The following KIAA1217 variants were observed in gnomAD, a reference collection of about 807,000 sequenced individuals.
The protein encoded by KIAA1217 is KIAA1217, also known as sickle tail protein homolog.
In KIAA1217, 88 loss-of-function variants were observed where a neutral mutation model predicts 163.9. That is an observed-to-expected ratio of 0.54 (90% CI 0.45 to 0.64). The LOEUF is 0.64. Ranked by LOEUF, KIAA1217 falls within the 30% of genes least tolerant of loss-of-function variation. KIAA1217 has a pLI of 0.00. For synonymous variants in KIAA1217, 903 were observed against 923.1 expected (o/e 0.98, Z 0.39); for missense variants, 2,372 against 2,475.0 (o/e 0.96, Z 0.88).
intron 1 of KIAA1217, among the ~76,000 whole-genome samples, chr10:23,854,023 C>T (rs1005220956): frequency 6.6e-6 from 1 of 152,064 alleles, no homozygotes; most frequent in Non-Finnish European, 1.5e-5. Context: ...TTCAGTTCTG[C>T]TCTGATTTTA....
At chr10:24,163,540 G>A (rs2065213142) in intron 2 of KIAA1217, among the ~76,000 whole-genome samples, 1 of 152,148 alleles carries the variant, frequency 6.6e-6, no homozygotes, top group Admixed American at 6.5e-5. Flanking sequence ...CTGGAGAAAT[G>A]GCACCCTAGA....
chr10:24,383,253 C>T (rs556711529), intron 3 of KIAA1217, among the ~76,000 whole-genome samples: 3 of 152,308 alleles, frequency 2.0e-5, no homozygotes, highest in African/African-American at 7.2e-5. Context: ...TAAAGATAAC[C>T]TCAGCTCTGC....
chr10:23,965,732 G>A lies in KIAA1217; in HGVS notation c.-320-41493G>A, dbSNP rs538446945. Among the ~76,000 whole-genome samples the A allele has an allele frequency of 1.2e-4, 18 of 152,244 alleles. No homozygotes were observed. In the South Asian group the frequency reaches 2.1e-3, roughly 18 times the overall value. On this transcript the variant is annotated intron_variant, in intron 1 of 18. Transcript: ENST00000376462. ...AACACATCTTCAGCACAGAGGGAGT[G>A]GGAATGCTGCCTTCTGTGGTGACCT...
intron 2 of KIAA1217, among the ~76,000 whole-genome samples, chr10:24,177,299 T>TA (rs1554894744): frequency 0.03 from 1,392 of 46,872 alleles, 101 homozygotes; most frequent in Middle Eastern, 0.037. Flanking sequence ...ATATATATAT[T>TA]ACAATTTCTT....
At chr10:23,728,223 C>A (rs1302626218) in intron 1 of KIAA1217, among the ~76,000 whole-genome samples, 4 of 152,148 alleles carry the variant, frequency 2.6e-5, no homozygotes, top group Non-Finnish European at 5.9e-5. Flanking sequence ...CGTTCTAGAT[C>A]CTTGAGGAAT....
intron 9 of KIAA1217, among the ~76,000 whole-genome samples, chr10:24,502,981 GTC>G (rs1264042915): frequency 6.6e-6 from 1 of 152,058 alleles, no homozygotes; most frequent in Admixed American, 6.5e-5. Context: ...CCAAGACTAT[GTC>G]TCAAAAAAAA....
intron 10 of KIAA1217, 140 bp from the exon 11 acceptor site, chr10:24,519,983 C>A: frequency 1.1e-6 from 1 of 882,872 alleles, no homozygotes; most frequent in East Asian, 2.6e-5. Flanking sequence ...CGACCCCCCT[C>A]CACCACCACC....
chr10:23,836,698 G>T (rs1838469335), intron 1 of KIAA1217, among the ~76,000 whole-genome samples: 2 of 151,970 alleles, frequency 1.3e-5, no homozygotes, highest in African/African-American at 4.8e-5. Flanking sequence ...GCCGAGGCGG[G>T]AGGATTGCTG....
chr10:24,530,062 G>T (rs1434873007), intron 14 of KIAA1217, among the ~76,000 whole-genome samples: 1 of 151,936 alleles, frequency 6.6e-6, no homozygotes, highest in Non-Finnish European at 1.5e-5. Context: ...CTCCCATAGT[G>T]CTGGGATTTC....
intron 1 of KIAA1217, among the ~76,000 whole-genome samples, chr10:23,719,996 T>C (rs557073277): frequency 6.6e-5 from 10 of 152,024 alleles, no homozygotes; most frequent in African/African-American, 2.4e-4. Context: ...CAAATGAAGA[T>C]TGGTGGTTGC....
At chr10:24,513,226 A>G (rs1007384604) in intron 9 of KIAA1217, 33 bp from the exon 10 acceptor site, 2 of 1,607,638 alleles carry the variant, frequency 1.2e-6, no homozygotes, top group Non-Finnish European at 1.7e-6. Context: ...AGGCAGGCAG[A>G]GCCCACTGAG....
At chr10:24,207,266 T>C (rs1351848197), upstream of KIAA1217, among the ~76,000 whole-genome samples, 1 of 113,724 alleles carries the variant, frequency 8.8e-6, no homozygotes, top group African/African-American at 3.8e-5. Context: ...TGCTACAGTG[T>C]TTCTCTCTCT....
chr10:24,158,091 C>T, intron 2 of KIAA1217: 1 of 755,564 alleles, frequency 1.3e-6, no homozygotes, highest in Admixed American at 1.7e-5. Context: ...AAAAGTGGCG[C>T]TCCACAAGTT....
At chr10:23,733,550 T>A (rs1422792825) in intron 1 of KIAA1217, among the ~76,000 whole-genome samples, 1 of 152,206 alleles carries the variant, frequency 6.6e-6, no homozygotes. Context: ...TAATACCTAA[T>A]ACAAGGTAAA....
intron 2 of KIAA1217, among the ~76,000 whole-genome samples, chr10:24,181,388 G>A (rs1033861337): frequency 4.6e-5 from 7 of 152,184 alleles, no homozygotes; most frequent in Non-Finnish European, 1.0e-4. Context: ...TCTGAGGTGG[G>A]AAAGAGCATG....
chr10:23,846,564 T>A (rs1381139229), intron 1 of KIAA1217, among the ~76,000 whole-genome samples: 1 of 152,174 alleles, frequency 6.6e-6, no homozygotes, highest in Non-Finnish European at 1.5e-5. Context: ...GGAATGCATG[T>A]GATTTTTGCA....
intron 17 of KIAA1217, among the ~76,000 whole-genome samples, chr10:24,541,400 C>T (rs2075054946): frequency 6.6e-6 from 1 of 151,886 alleles, no homozygotes; most frequent in Non-Finnish European, 1.5e-5. Flanking sequence ...ACAGTATTTG[C>T]GTGTGATTAA....
At chr10:23,913,465 C>T (rs759654998) in intron 1 of KIAA1217, among the ~76,000 whole-genome samples, 1 of 151,288 alleles carries the variant, frequency 6.6e-6, no homozygotes, top group Non-Finnish European at 1.5e-5. Context: ...ACCTCTGCAC[C>T]CCACAACTTG....
In KIAA1217 at chr10:23,695,665, T is replaced by A. The variant is rs757960914; in HGVS notation, c.-321+431T>A. On this transcript the variant is annotated intron_variant, in intron 1 of 18. Transcript: ENST00000376462. The surrounding 1 kb of genome is among the most constrained non-coding windows in gnomAD (Gnocchi z 4.9). The stretch of plus-strand genomic sequence containing the variant: ...GCGAAGAGGGCATTGCTCTTTCTGA[T>A]GGCTGGAAGACAGGGGCAAGGAGAG... Among the ~76,000 whole-genome samples, 1 of 152,040 alleles carries A rather than the reference T, an allele frequency of 6.6e-6. No individual in the cohort carries two copies. The highest frequency in any genetic ancestry group is 2.4e-5 in the African/African-American group (1 of 41,426).
Sources: gnomAD v4.1 joint callset for allele counts (sites outside exome capture counted in the v4.1 genomes callset) on GRCh38, gnomAD v4.1.1 for gene constraint, Gnocchi (gnomAD v3.1) non-coding constraint, MANE v1.5 for transcripts, NCBI Gene and HGNC (gene_info 2026-07-23, HGNC 2026-07-21) for gene names.